The following PDE8B variants were observed in gnomAD, a reference collection of about 807,000 sequenced individuals.
The protein encoded by PDE8B is high affinity cAMP-specific and IBMX-insensitive 3',5'-cyclic phosphodiesterase 8B.
In PDE8B, 26 loss-of-function variants were observed where a neutral mutation model predicts 101.3. That is an observed-to-expected ratio of 0.26 (90% CI 0.19 to 0.36). The LOEUF is 0.36. Among genes scored for constraint, PDE8B ranks in the 10% least tolerant of loss-of-function variants. PDE8B has a pLI of 1.00. For missense variants in PDE8B, 810 were observed against 1,163.1 expected, an observed-to-expected ratio of 0.70 and a Z score of 4.42; for synonymous variants, 424 against 429.3, an observed-to-expected ratio of 0.99 and a Z score of 0.15.
chr5:77,425,669 TA>T (rs1415263856), intron 20 of PDE8B, 97 bp from the exon 21 acceptor site: 3 of 1,249,450 alleles, frequency 2.4e-6, no homozygotes, highest in Non-Finnish European at 3.5e-6. Flanking sequence ...GAAAACTGGA[TA>T]ATGACCCATT....
Position 77,378,480 on chromosome 5 carries a change from AAAAAG to A in PDE8B, c.1168-21767_1168-21763del, listed in dbSNP as rs1007676128. Among the ~76,000 whole-genome samples the A allele has an allele frequency of 1.5e-4, 22 of 146,486 alleles. 1 individual carries two copies. Among genetic ancestry groups the A allele is most frequent in the Admixed American group, 6.0e-4 (9 of 14,990 alleles). ...CTAAAAAAAAAAAAAAAAAAAAAAA[AAAAAG>A]GGCATGTACCAAAGATCTTTTCTCA... On this transcript the variant is annotated intron_variant, in intron 10 of 21. Coordinates refer to ENST00000264917, the MANE Select transcript of PDE8B (RefSeq NM_003719.5).
intron 10 of PDE8B, among the ~76,000 whole-genome samples, chr5:77,383,132 A>G (rs1787840278): frequency 6.6e-6 from 1 of 152,176 alleles, no homozygotes; most frequent in Admixed American, 6.5e-5. Flanking sequence ...TGGCCACTCT[A>G]ACTGGCATGA....
At chr5:77,313,947 A>C (rs535292486) in intron 2 of PDE8B, among the ~76,000 whole-genome samples, 15 of 152,188 alleles carry the variant, frequency 9.9e-5, no homozygotes, top group Admixed American at 3.3e-4. Flanking sequence ...ATCGTTCTTC[A>C]TTCATCAGTT....
chr5:77,278,766 C>G (rs1264305830), intron 1 of PDE8B, among the ~76,000 whole-genome samples: 2 of 152,100 alleles, frequency 1.3e-5, no homozygotes, highest in Non-Finnish European at 2.9e-5. Context: ...AAGAGAGATA[C>G]CTTTTTTCAA....
chr5:77,370,802 A>G (rs531037962), intron 10 of PDE8B, among the ~76,000 whole-genome samples: 1 of 152,374 alleles, frequency 6.6e-6, no homozygotes, highest in East Asian at 1.9e-4. Flanking sequence ...CAGTTGCTGC[A>G]CATCCTTGCC....
At chr5:77,398,485 G>A (rs1791553014) in intron 10 of PDE8B, among the ~76,000 whole-genome samples, 1 of 151,922 alleles carries the variant, frequency 6.6e-6, no homozygotes, top group East Asian at 1.9e-4. Flanking sequence ...ACCCCACCCA[G>A]CTAATATTAT....
At chr5:77,209,709 A>C (rs977998236), upstream of PDE8B, among the ~76,000 whole-genome samples, 1 of 152,192 alleles carries the variant, frequency 6.6e-6, no homozygotes. Flanking sequence ...TGCCCAGCCC[A>C]GAGTGTGAGG....
At chr5:77,397,560 C>T (rs1022458389) in intron 10 of PDE8B, among the ~76,000 whole-genome samples, 3 of 152,146 alleles carry the variant, frequency 2.0e-5, no homozygotes, top group African/African-American at 7.2e-5. Flanking sequence ...ATCTACATCT[C>T]TAAGGCACAG....
chr5:77,180,181 C>T, the PDE8B span, among the ~76,000 whole-genome samples: 5 of 152,162 alleles, frequency 3.3e-5, no homozygotes, highest in African/African-American at 1.2e-4. Context: ...TTGCCCAGAG[C>T]GGAGCAGCTC....
chr5:77,387,397 C>T (rs1788943461), intron 10 of PDE8B, among the ~76,000 whole-genome samples: 1 of 152,216 alleles, frequency 6.6e-6, no homozygotes, highest in Admixed American at 6.5e-5. Context: ...TTGGTCCCCA[C>T]TCTCTTCTAG....
the PDE8B span, among the ~76,000 whole-genome samples, chr5:77,124,677 G>T: frequency 6.6e-6 from 1 of 151,722 alleles, no homozygotes. Context: ...GATTTATAAA[G>T]GACTAAACTC....
the PDE8B span, among the ~76,000 whole-genome samples, chr5:77,183,749 G>C: frequency 6.6e-6 from 1 of 152,178 alleles, no homozygotes. Context: ...CTGTAAGCTT[G>C]AGAGCAGATG....
At chr5:77,259,148 C>T (rs1299193505) in intron 1 of PDE8B, among the ~76,000 whole-genome samples, 2 of 137,746 alleles carry the variant, frequency 1.5e-5, no homozygotes, top group Non-Finnish European at 3.0e-5. Flanking sequence ...GACCTGTTTG[C>T]ATACCCTCCT....
At chr5:77,273,843 A>G (rs1023450676) in intron 1 of PDE8B, among the ~76,000 whole-genome samples, 2 of 147,374 alleles carry the variant, frequency 1.4e-5, no homozygotes, top group African/African-American at 2.5e-5. Context: ...TTTTTTTGAG[A>G]TGGAGTTTCA....
chr5:77,296,158 A>T (rs1280957174), intron 1 of PDE8B, among the ~76,000 whole-genome samples: 1 of 144,816 alleles, frequency 6.9e-6, no homozygotes, highest in Non-Finnish European at 1.6e-5. Flanking sequence ...CCTCTTCTTC[A>T]TCATCTTCTT....
At chr5:77,284,203 T>G (rs773822822) in intron 1 of PDE8B, among the ~76,000 whole-genome samples, 14 of 152,212 alleles carry the variant, frequency 9.2e-5, no homozygotes, top group South Asian at 4.1e-4. Context: ...GTTTTAAGAG[T>G]TCTTTGTGAA....
intron 10 of PDE8B, among the ~76,000 whole-genome samples, chr5:77,360,711 AACCTGGGAACC>A (rs1782947949): frequency 6.6e-6 from 1 of 152,100 alleles, no homozygotes; most frequent in African/African-American, 2.4e-5. Context: ...CCCCCATCCT[AACCTGGGAACC>A]ACCTTTAGCA....
chr5:77,381,126 G>A (rs897136987), intron 10 of PDE8B, among the ~76,000 whole-genome samples: 1 of 152,224 alleles, frequency 6.6e-6, no homozygotes, highest in Non-Finnish European at 1.5e-5. Context: ...GAGCCTCATA[G>A]CCAGCTCGCT....
the PDE8B span, among the ~76,000 whole-genome samples, chr5:77,098,302 A>G: frequency 6.6e-6 from 1 of 151,542 alleles, no homozygotes; most frequent in Non-Finnish European, 1.5e-5. Flanking sequence ...TTAAAAAAAA[A>G]AAAGAAAGTC....
Sources: gnomAD v4.1 joint callset for allele counts (sites outside exome capture counted in the v4.1 genomes callset) on GRCh38, gnomAD v4.1.1 for gene constraint, MANE v1.5 for transcripts, NCBI Gene and HGNC (gene_info 2026-07-23, HGNC 2026-07-21) for gene names.